Variants in NLRP2 observed in about 807,000 individuals in gnomAD.
NLRP2 encodes NLR family pyrin domain containing 2.
NLRP2 carries 107 observed loss-of-function variants against 97.2 expected under a neutral mutation model. That is an observed-to-expected ratio of 1.10 (90% confidence interval 0.94 to 1.29). NLRP2 has a LOEUF of 1.29. Ranked by LOEUF, NLRP2 falls within the 50% of genes most tolerant of loss-of-function variation. NLRP2 has a pLI of 0.00. For missense variants in NLRP2, 1,495 were observed against 1,330.3 expected, an observed-to-expected ratio of 1.12 and a Z score of -1.93; for synonymous variants, 663 against 551.5, an observed-to-expected ratio of 1.20 and a Z score of -2.83.
At chr19:54,998,801 C>T (rs1373658987) in intron 12 of NLRP2, among the ~76,000 whole-genome samples, 2 of 150,254 alleles carry the variant, frequency 1.3e-5, no homozygotes, top group African/African-American at 4.9e-5. Context: ...CGTTTGTGTC[C>T]CTGGGTACTT....
intron 8 of NLRP2, 135 bp downstream of exon 8, chr19:54,986,450 G>T: frequency 2.6e-6 from 2 of 775,566 alleles, no homozygotes; most frequent in Non-Finnish European, 4.5e-6. Context: ...GACCCAGGAT[G>T]CAGCATGGGC....
chr19:54,978,052 CAG>C lies in NLRP2; in HGVS notation c.397+234_397+235del, dbSNP rs1196524949. Reference sequence around the variant, plus strand: ...TTTGTAGAAAGTTAGGAGCACAGCGCAGAGAGTTTTTGTTTTTGTTTTTGTTT... The same window carrying C: ...TTTGTAGAAAGTTAGGAGCACAGCGCAGAGTTTTTGTTTTTGTTTTTGTTT... On this transcript the variant is annotated intron_variant, in intron 4 of 12. Transcript: ENST00000448584. Among the ~76,000 whole-genome samples, 13 of 152,078 alleles carry C rather than the reference CAG, an allele frequency of 8.5e-5. No individual in the cohort carries two copies. The South Asian group carries it at 1.0e-3, about 12-fold the overall frequency.
rs2070762822 is a variant in NLRP2, at chr19:54,970,273, G to C, written c.258G>C (p.Glu86Asp). The C allele has an allele frequency of 1.2e-6, 2 of 1,614,172 alleles. No individual in the cohort carries two copies. Among genetic ancestry groups the C allele is most frequent in the Non-Finnish European group, 1.7e-6 (2 of 1,180,024 alleles). Residue 86 changes from glutamate to aspartate, a missense_variant, in exon 2 of 13, where the codon GAG becomes GAC. Transcript: ENST00000448584. Reference protein sequence around the residue: ...FEKMHRMDLSERAKDEVREAA... With the variant: ...FEKMHRMDLSDRAKDEVREAA... The stretch of plus-strand genomic sequence containing the variant: ...AGATGCACCGAATGGATCTGTCTGA[G>C]AGAGCAAAGGATGAAGTCAGAGGTG...
intron 3 of NLRP2, among the ~76,000 whole-genome samples, chr19:54,975,877 A>T (rs972180372): frequency 3.3e-5 from 5 of 152,062 alleles, no homozygotes; most frequent in African/African-American, 1.2e-4. Context: ...CAGCCTCCTG[A>T]GTAGCTGGGA....
In NLRP2 at chr19:54,968,208, G is replaced by A. The variant is rs1323206007; in HGVS notation, c.-18+1741G>A. ...GCTGTGATTACAGGCGTGAGCCACCGCACCCGGCCCTGTTGTTTTTAAAAT... is the reference window on the plus strand; with the variant it reads ...GCTGTGATTACAGGCGTGAGCCACCACACCCGGCCCTGTTGTTTTTAAAAT... On this transcript the variant is annotated intron_variant, in intron 1 of 12. Coordinates refer to ENST00000448584, the MANE Select transcript of NLRP2 (RefSeq NM_017852.5). Among the ~76,000 whole-genome samples, 8 of 129,978 alleles carry A rather than the reference G, an allele frequency of 6.2e-5. No individual in the cohort carries two copies. The South Asian group carries it at 8.9e-4, about 15-fold the overall frequency. The allele number at this position is 129,978 out of a possible 152,430, so 85.3% of individuals were successfully genotyped here.
rs1374681097 is a variant in NLRP2, at chr19:54,970,089, A to G, written c.74A>G (p.Lys25Arg). ...CAGCTCAGCCAGGATGAGTTGAGCA[A>G]GTTCAAGTATCTGATCACGACCTTC... ...LEQLSQDELS[K>R]FKYLITTFSL... The change falls in exon 2 of 13, where the codon AAG (lysine) becomes AGG (arginine). Residue 25 changes from lysine to arginine, a missense_variant. Coordinates refer to ENST00000448584, the MANE Select transcript of NLRP2 (RefSeq NM_017852.5). 1.9e-6 allele frequency: 3 copies of G among 1,614,110 alleles called. No individual in the cohort carries two copies. Among genetic ancestry groups the G allele is most frequent in the Non-Finnish European group, 2.5e-6 (3 of 1,180,026 alleles).
In NLRP2 at chr19:54,983,608, T is replaced by C. The variant is rs764005997; in HGVS notation, c.1910T>C (p.Val637Ala). ...EISLHLNAVD[V>A]VPSSFCVKHC... ...TCCCTGCACTTAAATGCAGTAGACG[T>C]TGTGCCATCTTCATTCTGCGTCAAG... Residue 637 changes from valine (V) to alanine (A), a missense_variant, in exon 6 of 13, where the codon GTT becomes GCT. Coordinates refer to ENST00000448584, the MANE Select transcript of NLRP2 (RefSeq NM_017852.5). 6.2e-7 allele frequency: 1 copy of C among 1,614,058 alleles called. No homozygotes were observed. The highest frequency in any genetic ancestry group is 1.3e-5 in the African/African-American group (1 of 74,944).
intron 2 of NLRP2, among the ~76,000 whole-genome samples, chr19:54,971,245 A>C (rs980469145): frequency 4.9e-4 from 74 of 150,238 alleles, no homozygotes; most frequent in African/African-American, 1.5e-3. Context: ...GGTTGGTTCC[A>C]AGTCTTTGCT....
chr19:54,984,329 G>GGTTTTTTTTTTTTTTTTTT lies in NLRP2; in HGVS notation c.2030+601_2030+602insGTTTTTTTTTTTTTTTTTT, dbSNP rs1329961462. ...AACTTAAGTGGGGGTTTTTTTTTGT[G>GGTTTTTTTTTTTTTTTTTT]TTTTTTTTTTTTTTTTTTTTTTTGG... On this transcript the variant is annotated intron_variant, in intron 6 of 12. Transcript: ENST00000448584. Among the ~76,000 whole-genome samples the GGTTTTTTTTTTTTTTTTTT allele has an allele frequency of 2.3e-3, 186 of 79,670 alleles. 2 individuals are homozygous for GGTTTTTTTTTTTTTTTTTT. The highest frequency in any genetic ancestry group is 3.3e-3 in the Non-Finnish European group (133 of 39,960). The allele number at this position is 79,670 out of a possible 152,430, so 52.3% of individuals were successfully genotyped here. A position where few individuals can be genotyped will look rare whatever the true frequency, so the allele number is the denominator to read the frequency against.
Position 54,974,513 on chromosome 19 carries a change from A to G in NLRP2, c.294A>G (p.Lys98=), listed in dbSNP as rs1390037857. The G allele has an allele frequency of 6.2e-7, 1 of 1,611,652 alleles. No individual in the cohort carries two copies. The highest frequency in any genetic ancestry group is 2.2e-5 in the East Asian group (1 of 44,854). The change falls in exon 3 of 13, where the codon AAA becomes AAG. Residue 98 remains lysine (K), a synonymous_variant. Transcript: ENST00000448584. The part of the protein sequence containing the change: ...AKDEVREAAL[K]SFNKRKPLSL... ...CTCCTTTTTCAGAAGCAGCTTTGAA[A>G]TCCTTTAATAAAAGGAAGCCTCTAT... is the stretch of plus-strand genomic sequence containing the variant.
chr19:55,000,985 T>C lies in NLRP2; in HGVS notation c.*87T>C. 8.3e-7 allele frequency: 1 copy of C among 1,199,054 alleles called. No individual in the cohort carries two copies. Among genetic ancestry groups the C allele is most frequent in the Non-Finnish European group, 1.2e-6 (1 of 809,264 alleles). The allele number at this position is 1,199,054 out of a possible 1,614,324, so 74.3% of individuals were successfully genotyped here. On this transcript the variant is annotated 3_prime_UTR_variant, in exon 13 of 13. Transcript: ENST00000448584. ...TGTGACTCCTCTCCTCCCCGGCCCC[T>C]ACCCCTCAGGGATAATGAGTTCATT...
Position 55,000,967 on chromosome 19 carries a change from C to A in NLRP2, c.*69C>A. The stretch of plus-strand genomic sequence containing the variant: ...AGGTGTTGGTGAACTGCCTGTGACT[C>A]CTCTCCTCCCCGGCCCCTACCCCTC... On this transcript the variant is annotated 3_prime_UTR_variant, in exon 13 of 13. Coordinates refer to ENST00000448584, the MANE Select transcript of NLRP2 (RefSeq NM_017852.5). 1 of 1,418,802 alleles carries A rather than the reference C, an allele frequency of 7.0e-7. No individual in the cohort carries two copies. Among genetic ancestry groups the A allele is most frequent in the Non-Finnish European group, 9.9e-7 (1 of 1,005,726 alleles). The allele number at this position is 1,418,802 out of a possible 1,614,324, so 87.9% of individuals were successfully genotyped here. A position where few individuals can be genotyped will look rare whatever the true frequency, so the allele number is the denominator to read the frequency against.
chr19:54,976,141 C>T (rs8112252), intron 3 of NLRP2, among the ~76,000 whole-genome samples: 6,336 of 151,732 alleles, frequency 0.042, 470 homozygotes, highest in African/African-American at 0.15. Context: ...CTCTGACCTC[C>T]GCCTCCCGGT....
At chr19:54,968,614 G>C (rs1191188199) in intron 1 of NLRP2, among the ~76,000 whole-genome samples, 4 of 151,392 alleles carry the variant, frequency 2.6e-5, no homozygotes, top group Non-Finnish European at 4.4e-5. Flanking sequence ...CCAGGTGTGA[G>C]CCATGGCCCC....
intron 7 of NLRP2, 75 bp from the exon 8 acceptor site, chr19:54,986,076 C>T (rs565842255): frequency 1.2e-5 from 11 of 947,538 alleles, no homozygotes; most frequent in African/African-American, 1.6e-5. Context: ...TTAAATATAT[C>T]GAGCCCCTGG....
At chr19:54,969,957 A>G (rs2070735305) in intron 1 of NLRP2, 42 bp from the exon 2 acceptor site, 1 of 1,588,180 alleles carries the variant, frequency 6.3e-7, no homozygotes, top group Non-Finnish European at 8.6e-7. Flanking sequence ...CAGGAGTGCT[A>G]ATCACCATCC....
chr19:54,990,424 T>C (rs1469278249), intron 9 of NLRP2, 78 bp from the exon 10 acceptor site: 2 of 1,457,084 alleles, frequency 1.4e-6, no homozygotes, highest in African/African-American at 2.8e-5. Context: ...GGCTTTTGGA[T>C]GCTGGCACTT....
At chr19:54,986,494 A>G (rs994268524) in intron 8 of NLRP2, 179 bp downstream of exon 8, 6 of 659,102 alleles carry the variant, frequency 9.1e-6, no homozygotes, top group African/African-American at 5.4e-5. Context: ...TGAACAGTAA[A>G]CACCCTGGAC....
intron 6 of NLRP2, 131 bp downstream of exon 6, chr19:54,983,859 T>A: frequency 1.5e-6 from 2 of 1,361,880 alleles, no homozygotes; most frequent in Non-Finnish European, 2.1e-6. Flanking sequence ...TCTTTGTTTG[T>A]TTTTGTTTTG....
Sources: allele counts gnomAD v4.1 joint callset (sites outside exome capture counted in the v4.1 genomes callset), GRCh38; gene constraint gnomAD v4.1.1; transcripts MANE v1.5; gene names NCBI Gene and HGNC (gene_info 2026-07-23, HGNC 2026-07-21).